MYBPC1: variants seen among roughly 807,000 people sequenced by gnomAD.
MYBPC1 encodes myosin binding protein C1.
A neutral mutation model predicts 147.1 loss-of-function variants in MYBPC1; 52 were observed. The ratio of observed to expected loss-of-function variants is 0.35; its 90% CI spans 0.28 to 0.45. MYBPC1 has a LOEUF of 0.45. Ranked by LOEUF, MYBPC1 falls within the 20% of genes least tolerant of loss-of-function variation. The pLI is 1.00. For missense variants in MYBPC1, 1,228 were observed against 1,440.3 expected (o/e 0.85, Z 2.39); for synonymous variants, 477 against 475.9 (o/e 1.00, Z -0.03).
At chr12:101,637,690 C>T (rs1257943081) in intron 10 of MYBPC1, among the ~76,000 whole-genome samples, 1 of 152,020 alleles carries the variant, frequency 6.6e-6, no homozygotes, top group Non-Finnish European at 1.5e-5. Context: ...ACTACAAGTA[C>T]AAATATGCTT....
rs11110952 is a variant in MYBPC1 at position 101,673,634 on chromosome 12, T to G, written c.2809+12T>G. The G allele has an allele frequency of 3.1e-6, 5 of 1,614,060 alleles. No individual in the cohort carries two copies. In the East Asian group the frequency reaches 1.1e-4, roughly 36 times the overall value. On this transcript the variant is annotated intron_variant, in intron 25 of 31. Coordinates refer to ENST00000361466, the MANE Select transcript of MYBPC1 (RefSeq NM_002465.4). ...CATCCAGATCATTGGTAGGTTTAGA[T>G]GAAGGAGCCAGAAAGTTCTGTCAAA... is the stretch of plus-strand genomic sequence containing the variant.
At chr12:101,650,873 A>T (rs1894299624) in intron 15 of MYBPC1, 1 of 337,402 alleles carries the variant, frequency 3.0e-6, no homozygotes, top group Non-Finnish European at 5.8e-6. Flanking sequence ...TAGAAAGAGG[A>T]TTATTCAAAA....
At chr12:101,638,089 A>T (rs1289418518) in intron 10 of MYBPC1, among the ~76,000 whole-genome samples, 1 of 152,184 alleles carries the variant, frequency 6.6e-6, no homozygotes, top group Non-Finnish European at 1.5e-5. Context: ...TTTCCCTTTT[A>T]TGAGTCAGCT....
chr12:101,634,147 G>A (rs1167793244), intron 8 of MYBPC1, among the ~76,000 whole-genome samples: 2 of 152,036 alleles, frequency 1.3e-5, no homozygotes, highest in East Asian at 1.9e-4. Flanking sequence ...TGATCCGCCC[G>A]CCTCGGCCTC....
chr12:101,675,490 A>C (rs1479266023), intron 26 of MYBPC1, 59 bp downstream of exon 26: 1 of 1,608,906 alleles, frequency 6.2e-7, no homozygotes, highest in Non-Finnish European at 8.5e-7. Flanking sequence ...TCAGAGGTAA[A>C]GGAGATGGCA....
At chr12:101,620,779 G>A (rs1437801968) in intron 3 of MYBPC1, among the ~76,000 whole-genome samples, 1 of 152,114 alleles carries the variant, frequency 6.6e-6, no homozygotes, top group African/African-American at 2.4e-5. Context: ...CCTAAGTGCT[G>A]ATATTTTATT....
intron 1 of MYBPC1, among the ~76,000 whole-genome samples, chr12:101,600,157 G>T (rs1301684113): frequency 6.6e-6 from 1 of 152,168 alleles, no homozygotes; most frequent in African/African-American, 2.4e-5. Context: ...CAGGAGTAAG[G>T]GAGACTGTGG....
intron 6 of MYBPC1, among the ~76,000 whole-genome samples, chr12:101,631,261 A>G (rs1593780787): frequency 6.6e-6 from 1 of 152,328 alleles, no homozygotes; most frequent in South Asian, 2.1e-4. Context: ...TATATCATAC[A>G]TATCCATATA....
chr12:101,612,437 C>A (rs1193881150), intron 1 of MYBPC1, among the ~76,000 whole-genome samples: 1 of 152,084 alleles, frequency 6.6e-6, no homozygotes, highest in Non-Finnish European at 1.5e-5. Context: ...AGAAGGGGAA[C>A]AGAAATGGCT....
rs749600295 is a variant in MYBPC1 at position 101,648,049 on chromosome 12, T to C, written c.1095T>C (p.Pro365=). 3.1e-6 allele frequency: 5 copies of C among 1,609,280 alleles called. No individual in the cohort carries two copies. The highest frequency in any genetic ancestry group is 4.3e-6 in the Non-Finnish European group (5 of 1,175,824). Residue 365 remains proline, a synonymous_variant, in exon 14 of 32, where the codon CCT becomes CCC. Coordinates refer to ENST00000361466, the MANE Select transcript of MYBPC1 (RefSeq NM_002465.4). ...KCSTELFVRE[P]PIMVTKQLED... ...TTTCCCCTTTTTGTATACTAGAGCC[T>C]CCAATTATGGTGACCAAACAGCTGG...
intron 11 of MYBPC1, 48 bp downstream of exon 11, chr12:101,642,633 T>G (rs759417023): frequency 6.4e-7 from 1 of 1,569,764 alleles, no homozygotes; most frequent in Non-Finnish European, 8.6e-7. Context: ...GTGGCAGCGT[T>G]CGAAAGCCTT....
chr12:101,678,302 A>G (rs1566012939), intron 28 of MYBPC1, 64 bp downstream of exon 28: 2 of 1,594,678 alleles, frequency 1.3e-6, no homozygotes, highest in East Asian at 2.2e-5. Flanking sequence ...TTATAATGTA[A>G]GTAACAATGT....
intron 23 of MYBPC1, chr12:101,670,060 A>C: frequency 1.8e-6 from 1 of 564,298 alleles, no homozygotes; most frequent in East Asian, 3.2e-5. Context: ...AGTTGCAATA[A>C]AGCCAAGGAT....
chr12:101,693,629 T>C, the MYBPC1 span, among the ~76,000 whole-genome samples: 1 of 152,164 alleles, frequency 6.6e-6, no homozygotes, highest in East Asian at 1.9e-4. Flanking sequence ...TAGTCTCAGC[T>C]ACTCAGGATG....
chr12:101,638,875 G>C (rs2136142020), intron 10 of MYBPC1, among the ~76,000 whole-genome samples: 1 of 152,174 alleles, frequency 6.6e-6, no homozygotes, highest in South Asian at 2.1e-4. Flanking sequence ...GCTATGTTAT[G>C]TTCATTTAGT....
chr12:101,653,879 T>C (rs1262573309), intron 18 of MYBPC1, among the ~76,000 whole-genome samples: 1 of 62,456 alleles, frequency 1.6e-5, no homozygotes, highest in Non-Finnish European at 4.3e-5. Flanking sequence ...TCTACAAAAA[T>C]AAAAGCAAAA....
intron 26 of MYBPC1, among the ~76,000 whole-genome samples, chr12:101,676,171 A>G (rs1175578336): frequency 6.6e-6 from 1 of 152,212 alleles, no homozygotes; most frequent in Non-Finnish European, 1.5e-5. Flanking sequence ...CAGGGAAGCC[A>G]AAAGATTGAA....
chr12:101,691,454 A>AGG, the MYBPC1 span, among the ~76,000 whole-genome samples: 1 of 152,188 alleles, frequency 6.6e-6, no homozygotes, highest in Non-Finnish European at 1.5e-5. Flanking sequence ...GTTATTTCAC[A>AGG]CACAACAGTG....
At chr12:101,607,469 G>A (rs772895612) in intron 1 of MYBPC1, among the ~76,000 whole-genome samples, 2 of 152,082 alleles carry the variant, frequency 1.3e-5, no homozygotes, top group African/African-American at 4.8e-5. Context: ...AATAAGAAAC[G>A]ATAATCAGGA....
Sources: allele counts gnomAD v4.1 joint callset (sites outside exome capture counted in the v4.1 genomes callset), GRCh38; gene constraint gnomAD v4.1.1; transcripts MANE v1.5; gene names NCBI Gene and HGNC (gene_info 2026-07-23, HGNC 2026-07-21).